FAM227B: variants seen among roughly 807,000 people sequenced by gnomAD.
FAM227B encodes family with sequence similarity 227 member B, also known as protein FAM227B.
A neutral mutation model predicts 73.8 loss-of-function variants in FAM227B; 88 were observed. The observed-to-expected ratio is 1.19, with a 90% CI of 1.00 to 1.42. FAM227B has a LOEUF of 1.42. FAM227B is among the 40% of genes most tolerant of loss of function. The pLI, the probability that FAM227B is intolerant of heterozygous loss-of-function variation, is 0.00. For synonymous variants in FAM227B, 210 were observed against 190.5 expected, an observed-to-expected ratio of 1.10 and a Z score of -0.84; for missense variants, 632 against 590.9, an observed-to-expected ratio of 1.07 and a Z score of -0.72.
chr15:49,513,448 G>A (rs1228271947), intron 10 of FAM227B, among the ~76,000 whole-genome samples: 1 of 151,970 alleles, frequency 6.6e-6, no homozygotes, highest in Non-Finnish European at 1.5e-5. Context: ...TTTTTGATGG[G>A]GTTGTTTTTT....
chr15:49,350,180 A>G (rs2042044423), intron 13 of FAM227B, among the ~76,000 whole-genome samples: 1 of 152,212 alleles, frequency 6.6e-6, no homozygotes, highest in Non-Finnish European at 1.5e-5. Flanking sequence ...ACTTTCTGTG[A>G]CAATGGAAAT....
chr15:49,367,754 AG>A, intron 12 of FAM227B, 146 bp from the exon 13 acceptor site: 1 of 725,986 alleles, frequency 1.4e-6, no homozygotes, highest in Non-Finnish European at 2.1e-6. Flanking sequence ...TCTTAATTAG[AG>A]GAATTTACCA....
chr15:49,342,665 A>G (rs925642543), intron 13 of FAM227B, among the ~76,000 whole-genome samples: 1 of 152,154 alleles, frequency 6.6e-6, no homozygotes, highest in Non-Finnish European at 1.5e-5. Flanking sequence ...GGTAGAAGGT[A>G]TCCTCCTTTG....
At chr15:49,406,403 C>T (rs530314512) in intron 11 of FAM227B, among the ~76,000 whole-genome samples, 7 of 152,122 alleles carry the variant, frequency 4.6e-5, no homozygotes, top group South Asian at 2.1e-4. Context: ...TGACTGCAGG[C>T]GGTTGCACTG....
intron 10 of FAM227B, among the ~76,000 whole-genome samples, chr15:49,525,916 A>C (rs1200205706): frequency 6.6e-6 from 1 of 151,694 alleles, no homozygotes; most frequent in Non-Finnish European, 1.5e-5. Context: ...AAAGAATAAT[A>C]AACCTTAGAA....
intron 3 of FAM227B, among the ~76,000 whole-genome samples, chr15:49,592,098 G>A (rs889908096): frequency 2.0e-5 from 3 of 151,940 alleles, no homozygotes; most frequent in Admixed American, 2.0e-4. Context: ...TAGCTTCCTT[G>A]CGATGGGTTA....
At chr15:49,364,090 T>C (rs1442424742) in intron 13 of FAM227B, among the ~76,000 whole-genome samples, 1 of 152,170 alleles carries the variant, frequency 6.6e-6, no homozygotes, top group Non-Finnish European at 1.5e-5. Flanking sequence ...TTTTATTGTG[T>C]CTATGCCAGG....
chr15:49,490,693 G>A (rs1484217652), intron 11 of FAM227B, among the ~76,000 whole-genome samples: 1 of 151,830 alleles, frequency 6.6e-6, no homozygotes, highest in South Asian at 2.1e-4. Context: ...GCTCTACATC[G>A]AAAAATGACG....
intron 10 of FAM227B, among the ~76,000 whole-genome samples, chr15:49,541,467 T>C (rs2071056423): frequency 6.6e-6 from 1 of 152,146 alleles, no homozygotes. Flanking sequence ...GATTATAAGA[T>C]ATTTGGCTCT....
At chr15:49,381,740 GTTTT>G (rs1329518996) in intron 11 of FAM227B, among the ~76,000 whole-genome samples, 1 of 152,052 alleles carries the variant, frequency 6.6e-6, no homozygotes, top group African/African-American at 2.4e-5. Flanking sequence ...AACACTAATT[GTTTT>G]TTGTTTTTAC....
intron 11 of FAM227B, among the ~76,000 whole-genome samples, chr15:49,491,679 C>T (rs555186503): frequency 6.6e-5 from 10 of 151,548 alleles, no homozygotes; most frequent in Non-Finnish European, 1.3e-4. Context: ...AATCCTATTG[C>T]ACTCTAATAT....
Position 49,455,632 on chromosome 15 carries a change from TTAATC to T in FAM227B, c.1012+52574_1012+52578del, listed in dbSNP as rs142445606. ...TTTAAAGAAATATTTTTAACAATTT[TTAATC>T]TAATGTCCTATATTTCTAAACAGAC... is the stretch of plus-strand genomic sequence containing the variant. On this transcript the variant is annotated intron_variant, in intron 11 of 15. Transcript: ENST00000299338. Among the ~76,000 whole-genome samples, 484 of 152,292 alleles carry T rather than the reference TTAATC, an allele frequency of 3.2e-3. 6 individuals carry two copies. Among genetic ancestry groups the T allele is most frequent in the East Asian group, 0.031 (160 of 5,186 alleles).
intron 3 of FAM227B, among the ~76,000 whole-genome samples, chr15:49,592,133 A>G (rs867433420): frequency 1.9e-4 from 29 of 151,992 alleles, no homozygotes; most frequent in South Asian, 2.1e-4. Context: ...AGCTCACAGA[A>G]GTTTGTTATT....
At chr15:49,569,627 T>C (rs987002009) in intron 8 of FAM227B, among the ~76,000 whole-genome samples, 1 of 152,012 alleles carries the variant, frequency 6.6e-6, no homozygotes, top group African/African-American at 2.4e-5. Context: ...ACTTATAATT[T>C]GTTGAGGTGA....
At chr15:49,600,678 A>C (rs1272501063) in intron 3 of FAM227B, among the ~76,000 whole-genome samples, 2 of 150,148 alleles carry the variant, frequency 1.3e-5, no homozygotes, top group Non-Finnish European at 3.0e-5. Context: ...AAATCCAGCC[A>C]GCCACTTAAC....
intron 13 of FAM227B, among the ~76,000 whole-genome samples, chr15:49,342,008 G>A (rs1041508568): frequency 6.6e-6 from 1 of 152,100 alleles, no homozygotes; most frequent in Admixed American, 6.5e-5. Flanking sequence ...TATTTTCTGT[G>A]GTTGATGGGT....
intron 11 of FAM227B, among the ~76,000 whole-genome samples, chr15:49,410,463 C>CT (rs2048798415): frequency 1.3e-5 from 2 of 151,996 alleles, no homozygotes; most frequent in African/African-American, 4.8e-5. Context: ...TTTTTGTCTT[C>CT]TTTTTTCAGT....
chr15:49,501,099 G>A (rs967345271), intron 11 of FAM227B, among the ~76,000 whole-genome samples: 5 of 152,102 alleles, frequency 3.3e-5, no homozygotes, highest in African/African-American at 1.2e-4. Flanking sequence ...TTCTTTTATA[G>A]CAACACAAGC....
intron 10 of FAM227B, among the ~76,000 whole-genome samples, chr15:49,518,759 AT>A (rs571120658): frequency 6.3e-4 from 96 of 152,184 alleles, no homozygotes; most frequent in Non-Finnish European, 1.1e-3. Context: ...TCAAGATGAG[AT>A]TTGGGTGGGG....
Sources: gnomAD v4.1 joint callset for allele counts (sites outside exome capture counted in the v4.1 genomes callset) on GRCh38, gnomAD v4.1.1 for gene constraint, MANE v1.5 for transcripts, NCBI Gene and HGNC (gene_info 2026-07-23, HGNC 2026-07-21) for gene names.